MCF2: variants seen among roughly 807,000 people sequenced by gnomAD.
MCF2 encodes the protein proto-oncogene DBL.
In MCF2, 44 loss-of-function variants were observed where a neutral mutation model predicts 82.5. That is an observed-to-expected ratio of 0.53 (90% confidence interval 0.42 to 0.69). The LOEUF (loss-of-function observed/expected upper bound fraction) is 0.69. MCF2 is among the 30% of genes least tolerant of loss of function. The pLI is 0.00. For missense variants in MCF2, 623 were observed against 663.1 expected, an observed-to-expected ratio of 0.94 and a Z score of 0.66; for synonymous variants, 217 against 224.9, an observed-to-expected ratio of 0.96 and a Z score of 0.32.
intron 1 of MCF2, among the ~76,000 whole-genome samples, chrX:139,657,043 C>A (rs1035640085): frequency 1.8e-5 from 2 of 111,703 alleles, no homozygotes; most frequent in Non-Finnish European, 3.8e-5. Flanking sequence ...GACTTAGAAG[C>A]CAAATAAAGG....
At chrX:139,621,968 G>A (rs1353167039) in intron 6 of MCF2, among the ~76,000 whole-genome samples, 53 of 110,970 alleles carry the variant, frequency 4.8e-4, no homozygotes, top group South Asian at 1.9e-3. Flanking sequence ...GAAAATTTTC[G>A]CAACCTACTC....
chrX:139,693,513 CAT>C (rs1935321057), intron 1 of MCF2, among the ~76,000 whole-genome samples: 3 of 97,780 alleles, frequency 3.1e-5, no homozygotes, highest in East Asian at 3.2e-4. Context: ...CACACACACA[CAT>C]GTCCCCCCTA....
intron 1 of MCF2, among the ~76,000 whole-genome samples, chrX:139,695,917 T>G (rs1276164780): frequency 8.9e-6 from 1 of 111,861 alleles, no homozygotes; most frequent in East Asian, 2.8e-4. Flanking sequence ...CAGTCTTAAT[T>G]TTACTGCCAA....
intron 24 of MCF2, among the ~76,000 whole-genome samples, chrX:139,584,048 G>A (rs1361384272): frequency 1.8e-5 from 2 of 109,605 alleles, no homozygotes; most frequent in African/African-American, 6.6e-5. Flanking sequence ...CATAGTATTA[G>A]GAGAAACAAT....
chrX:139,677,699 G>A (rs977272895), intron 1 of MCF2, among the ~76,000 whole-genome samples: 1 of 111,562 alleles, frequency 9.0e-6, no homozygotes, highest in Non-Finnish European at 1.9e-5. Flanking sequence ...CATATCTCAC[G>A]TCTTGTGTAC....
intron 6 of MCF2, among the ~76,000 whole-genome samples, chrX:139,621,797 A>G (rs1932385759): frequency 9.0e-6 from 1 of 111,648 alleles, no homozygotes; most frequent in Non-Finnish European, 1.9e-5. Context: ...CCTAGGCAAT[A>G]CCATTCAGGA....
chrX:139,674,173 G>T (rs1374101734), intron 1 of MCF2, among the ~76,000 whole-genome samples: 1 of 110,629 alleles, frequency 9.0e-6, no homozygotes, highest in Non-Finnish European at 1.9e-5. Context: ...CTATTTGCTT[G>T]GTAAATATTC....
intron 1 of MCF2, among the ~76,000 whole-genome samples, chrX:139,680,730 A>C (rs1477367977): frequency 1.8e-5 from 2 of 112,388 alleles, no homozygotes; most frequent in African/African-American, 6.5e-5. Context: ...TGATATCAGA[A>C]CTCACAATAT....
At chrX:139,585,558 A>G (rs1928876891) in intron 23 of MCF2, among the ~76,000 whole-genome samples, 1 of 111,867 alleles carries the variant, frequency 8.9e-6, no homozygotes, top group Non-Finnish European at 1.9e-5. Flanking sequence ...CTTCCATATT[A>G]AGGATCATCA....
intron 1 of MCF2, among the ~76,000 whole-genome samples, chrX:139,694,271 GA>G (rs1453899536): frequency 1.8e-5 from 2 of 109,828 alleles, no homozygotes; most frequent in South Asian, 3.8e-4. Context: ...AATCAAAGAA[GA>G]AAAAATTTAA....
intron 1 of MCF2, among the ~76,000 whole-genome samples, chrX:139,669,243 AAAG>A (rs1488058000): frequency 8.9e-6 from 1 of 112,182 alleles, no homozygotes; most frequent in Non-Finnish European, 1.9e-5. Context: ...ACATATCTCC[AAAG>A]AAGATATACA....
rs891656205 is a variant in MCF2 at position 139,670,115 on chromosome X, A to G, written c.-44-18327T>C. ...TTTGGTATTTATAAGAAAAAAGTTC[A>G]TTTGAACGATGAATGTACTTTTTTC... On this transcript the variant is annotated intron_variant, in intron 1 of 27. Transcript: ENST00000414978. Among the ~76,000 whole-genome samples the G allele has an allele frequency of 5.5e-5, 6 of 108,463 alleles. No individual in the cohort carries two copies. The South Asian group carries it at 1.1e-3, about 21-fold the overall frequency. The allele number at this position is 108,463 out of a possible 115,157, so 94.2% of individuals were successfully genotyped here. A position where few individuals can be genotyped will look rare whatever the true frequency, so the allele number is the denominator to read the frequency against.
chrX:139,626,293 A>T, exon 6 of MCF2: 1 of 1,166,267 alleles, frequency 8.6e-7, no homozygotes, highest in Non-Finnish European at 1.2e-6. Flanking sequence ...CATATCATGT[A>T]CTTGAGTCAG....
At chrX:139,703,216 G>A (rs1935531461) in intron 1 of MCF2, among the ~76,000 whole-genome samples, 1 of 112,024 alleles carries the variant, frequency 8.9e-6, no homozygotes, top group Non-Finnish European at 1.9e-5. Context: ...ATGAATTGAA[G>A]TCATTAGATG....
exon 1 of MCF2, chrX:139,642,755 A>T: frequency 6.7e-6 from 7 of 1,049,656 alleles, no homozygotes; most frequent in Non-Finnish European, 8.5e-6. Context: ...TGTAATTCAG[A>T]GTTAACACAT....
chrX:139,656,448 A>G (rs753594453), intron 1 of MCF2, among the ~76,000 whole-genome samples: 2 of 112,756 alleles, frequency 1.8e-5, no homozygotes, highest in African/African-American at 3.2e-5. Context: ...GATGTTTTCT[A>G]TCATAAAATG....
At chrX:139,691,482 T>C (rs2148576583) in intron 1 of MCF2, among the ~76,000 whole-genome samples, 1 of 111,924 alleles carries the variant, frequency 8.9e-6, no homozygotes, top group African/African-American at 3.3e-5. Flanking sequence ...TATTCCCACT[T>C]CTCCGGGGAC....
intron 1 of MCF2, among the ~76,000 whole-genome samples, chrX:139,693,532 C>T (rs997299073): frequency 9.1e-6 from 1 of 109,981 alleles, no homozygotes; most frequent in Non-Finnish European, 1.9e-5. Context: ...CCTACAAGCA[C>T]ACACCTCTTC....
chrX:139,613,254 C>A, intron 10 of MCF2: 1 of 1,144,623 alleles, frequency 8.7e-7, no homozygotes, highest in Non-Finnish European at 1.2e-6. Flanking sequence ...GAAAGAGTAT[C>A]CAACTCCCAC....
Sources: gnomAD v4.1 joint callset for allele counts (sites outside exome capture counted in the v4.1 genomes callset) on GRCh38, gnomAD v4.1.1 for gene constraint, MANE v1.5 for transcripts, NCBI Gene and HGNC (gene_info 2026-07-23, HGNC 2026-07-21) for gene names.